Variants in FARS2 observed in about 807,000 individuals in gnomAD.
The protein encoded by FARS2 is phenylalanine--tRNA ligase, mitochondrial.
FARS2 carries 40 observed loss-of-function variants against 46.4 expected under a neutral mutation model. The ratio of observed to expected loss-of-function variants is 0.86; its 90% confidence interval spans 0.67 to 1.12. The LOEUF is 1.12. FARS2 is among the 50% of genes most tolerant of loss of function. The pLI is 0.00. For missense variants in FARS2, 513 were observed against 567.9 expected (o/e 0.90, Z 0.98); for synonymous variants, 234 against 214.9 (o/e 1.09, Z -0.78).
At chr6:5,441,208 C>T (rs1261077990) in intron 4 of FARS2, among the ~76,000 whole-genome samples, 2 of 152,022 alleles carry the variant, frequency 1.3e-5, no homozygotes, top group Non-Finnish European at 2.9e-5. Context: ...AGGCATGAGC[C>T]ACTGCGCCCA....
intron 3 of FARS2, among the ~76,000 whole-genome samples, chr6:5,412,972 T>C (rs568783535): frequency 6.6e-6 from 1 of 152,166 alleles, no homozygotes; most frequent in African/African-American, 2.4e-5. Flanking sequence ...TTGGGATCAT[T>C]AACTGTGAAA....
chr6:5,360,962 T>C (rs951292960), intron 1 of FARS2, among the ~76,000 whole-genome samples: 1 of 152,320 alleles, frequency 6.6e-6, no homozygotes, highest in African/African-American at 2.4e-5. Context: ...CTAAGCACAG[T>C]TGAAACTTGG....
chr6:5,333,722 T>C (rs1037759084), intron 1 of FARS2, among the ~76,000 whole-genome samples: 21 of 152,210 alleles, frequency 1.4e-4, no homozygotes, highest in African/African-American at 5.1e-4. Flanking sequence ...TTTGATTCTC[T>C]TGTTTGACTG....
Position 5,414,878 on chromosome 6 carries a change from C to T in FARS2, c.772+10177C>T, listed in dbSNP as rs373194178. Among the ~76,000 whole-genome samples, 8 of 145,108 alleles carry T rather than the reference C, an allele frequency of 5.5e-5. No homozygotes were observed. In the East Asian group the frequency reaches 8.3e-4, roughly 15 times the overall value. On this transcript the variant is annotated intron_variant, in intron 3 of 6. Transcript: ENST00000274680. ...TCACCCAGGCTTGAGTGCAGCATCG[C>T]GATCTCGGCTCACTGCAACCTCCGT...
At chr6:5,487,674 C>T (rs1405098910) in intron 4 of FARS2, among the ~76,000 whole-genome samples, 1 of 152,198 alleles carries the variant, frequency 6.6e-6, no homozygotes, top group Non-Finnish European at 1.5e-5. Flanking sequence ...CATGGGTTCT[C>T]TTTTTGTCTC....
chr6:5,705,925 T>C (rs1287862620), intron 6 of FARS2, among the ~76,000 whole-genome samples: 2 of 152,188 alleles, frequency 1.3e-5, no homozygotes, highest in African/African-American at 4.8e-5. Flanking sequence ...CATTTTCTCC[T>C]CATTGGTGAT....
intron 6 of FARS2, among the ~76,000 whole-genome samples, chr6:5,633,602 T>G (rs1776404500): frequency 6.6e-6 from 1 of 152,156 alleles, no homozygotes; most frequent in African/African-American, 2.4e-5. Context: ...ATATCCTTTT[T>G]CTAGTCTTTT....
chr6:5,266,282 T>C (rs186520840), intron 1 of FARS2, among the ~76,000 whole-genome samples: 2 of 152,282 alleles, frequency 1.3e-5, no homozygotes, highest in Non-Finnish European at 2.9e-5. Flanking sequence ...TCGGCTTTCA[T>C]ATGTTTTAGG....
chr6:5,694,603 A>G (rs537845008), intron 6 of FARS2, among the ~76,000 whole-genome samples: 1 of 152,322 alleles, frequency 6.6e-6, no homozygotes, highest in East Asian at 1.9e-4. Context: ...GTGAATATTC[A>G]GCACGACCTT....
chr6:5,509,847 G>A (rs1323756959), intron 4 of FARS2, among the ~76,000 whole-genome samples: 1 of 152,188 alleles, frequency 6.6e-6, no homozygotes, highest in African/African-American at 2.4e-5. Flanking sequence ...CCAACACATA[G>A]CATATGCACA....
rs1319019138 is a variant in FARS2 at position 5,707,082 on chromosome 6, G to A, written c.1218-64209G>A. Among the ~76,000 whole-genome samples the A allele has an allele frequency of 4.8e-4, 73 of 152,194 alleles. 1 individual carries two copies. The highest frequency in any genetic ancestry group is 1.3e-4 in the Non-Finnish European group (9 of 68,042). On this transcript the variant is annotated intron_variant, in intron 6 of 6. Transcript: ENST00000274680. Reference sequence around the variant, plus strand: ...CACTCACTTCTATTCTTCCATATGTGCTTTTCCTGCATTCTTTTATTAGAG... The same window carrying A: ...CACTCACTTCTATTCTTCCATATGTACTTTTCCTGCATTCTTTTATTAGAG...
At chr6:5,452,456 A>G (rs931609447) in intron 4 of FARS2, 1 of 152,294 alleles carries the variant, frequency 6.6e-6, no homozygotes, top group Admixed American at 6.5e-5. Flanking sequence ...GAACTGTTGA[A>G]TGTGCCATGC....
chr6:5,741,739 C>T (rs1045041578), intron 6 of FARS2, among the ~76,000 whole-genome samples: 4 of 152,230 alleles, frequency 2.6e-5, no homozygotes. Context: ...CAACCTCTGC[C>T]TCCTGGGTTC....
At chr6:5,595,729 A>G (rs918554447) in intron 5 of FARS2, among the ~76,000 whole-genome samples, 13 of 152,206 alleles carry the variant, frequency 8.5e-5, no homozygotes, top group Admixed American at 5.2e-4. Flanking sequence ...GAAGAGCAGT[A>G]AAATAGTAAA....
intron 1 of FARS2, among the ~76,000 whole-genome samples, chr6:5,268,579 C>T (rs1284673574): frequency 6.6e-6 from 1 of 152,140 alleles, no homozygotes; most frequent in Non-Finnish European, 1.5e-5. Flanking sequence ...GTTTTGGTAA[C>T]AGTACCATGC....
intron 6 of FARS2, among the ~76,000 whole-genome samples, chr6:5,628,021 A>C (rs1445576719): frequency 6.6e-6 from 1 of 152,008 alleles, no homozygotes; most frequent in East Asian, 1.9e-4. Flanking sequence ...GAAAAAAGGA[A>C]ACAAAAAGAG....
intron 3 of FARS2, among the ~76,000 whole-genome samples, chr6:5,407,153 A>G (rs1313695440): frequency 6.6e-6 from 1 of 150,922 alleles, no homozygotes. Flanking sequence ...CAAATGGGAA[A>G]TAATTTTTTA....
rs897092890 is a variant in FARS2, at chr6:5,558,246, G to A, written c.1065+12906G>A. ...GCTCATTCTGCTCCTTTACTCAGAGGGTAAGAGGAGCACATGGGCACACCT... is the reference window on the plus strand; with the variant it reads ...GCTCATTCTGCTCCTTTACTCAGAGAGTAAGAGGAGCACATGGGCACACCT... On this transcript the variant is annotated intron_variant, in intron 5 of 6. Transcript: ENST00000274680. Among the ~76,000 whole-genome samples, 5 of 152,238 alleles carry A rather than the reference G, an allele frequency of 3.3e-5. No individual in the cohort carries two copies. The South Asian group carries it at 6.2e-4, about 19-fold the overall frequency.
chr6:5,615,773 C>G (rs1298875547), intron 6 of FARS2, among the ~76,000 whole-genome samples: 1 of 152,122 alleles, frequency 6.6e-6, no homozygotes, highest in African/African-American at 2.4e-5. Flanking sequence ...GCATAGCAGG[C>G]AGGGGCTGGG....
Sources: allele counts gnomAD v4.1 joint callset (sites outside exome capture counted in the v4.1 genomes callset), GRCh38; gene constraint gnomAD v4.1.1; transcripts MANE v1.5; gene names NCBI Gene and HGNC (gene_info 2026-07-23, HGNC 2026-07-21).